GNB5: variants seen among roughly 807,000 people sequenced by gnomAD.
GNB5 encodes guanine nucleotide-binding protein subunit beta-5.
In GNB5, 37 loss-of-function variants were observed where a neutral mutation model predicts 55.3. That is an observed-to-expected ratio of 0.67 (90% CI 0.51 to 0.88). The LOEUF is 0.88. Among genes scored for constraint, GNB5 ranks in the 40% least tolerant of loss-of-function variants. The probability of loss-of-function intolerance (pLI) is 0.00; values close to 1 mark genes in which losing one functional copy is unlikely to be tolerated. For missense variants in GNB5, 476 were observed against 515.3 expected (o/e 0.92, Z 0.74); for synonymous variants, 219 against 198.5 (o/e 1.10, Z -0.87).
chr15:52,161,444 C>T (rs751408104), intron 3 of GNB5, among the ~76,000 whole-genome samples: 1 of 152,176 alleles, frequency 6.6e-6, no homozygotes, highest in Non-Finnish European at 1.5e-5. Flanking sequence ...ATTACAGGCA[C>T]GCGCTACCAC....
At chr15:52,130,003 G>C (rs538093029) in intron 9 of GNB5, among the ~76,000 whole-genome samples, 12 of 152,230 alleles carry the variant, frequency 7.9e-5, no homozygotes, top group African/African-American at 2.9e-4. Flanking sequence ...TCATGTTCTG[G>C]CTAATGGGAT....
chr15:52,171,441 T>A (rs2034553288), intron 3 of GNB5, among the ~76,000 whole-genome samples: 1 of 152,244 alleles, frequency 6.6e-6, no homozygotes, highest in African/African-American at 2.4e-5. Context: ...TGTTTTCTTC[T>A]ATATTTCTAG....
At chr15:52,168,851 C>A (rs1454050367) in intron 3 of GNB5, among the ~76,000 whole-genome samples, 1 of 152,104 alleles carries the variant, frequency 6.6e-6, no homozygotes, top group African/African-American at 2.4e-5. Context: ...ATGAACCTGA[C>A]AAAAACAAGC....
chr15:52,117,102 A>ATATATTTTT lies in GNB5; in HGVS notation c.*5654_*5655insAAAAATATA. The ATATATTTTT allele has an allele frequency of 9.2e-5, 8 of 87,092 alleles. No individual in the cohort carries two copies. The highest frequency in any genetic ancestry group is 4.3e-4 in the African/African-American group (7 of 16,438). 5.4% of individuals were successfully genotyped at this position (87,092 alleles called of 1,614,324 possible). A position where few individuals can be genotyped will look rare whatever the true frequency, so the allele number is the denominator to read the frequency against. ...CCACGCCCAGCTAATATATATATAT[A>ATATATTTTT]TTTTTTTTTAGTACAGACAGGGTTT... On this transcript the variant is annotated 3_prime_UTR_variant, in exon 13 of 13. Transcript: ENST00000261837.
intron 7 of GNB5, chr15:52,138,662 C>G (rs1238117625): frequency 6.6e-6 from 1 of 152,156 alleles, no homozygotes; most frequent in East Asian, 1.9e-4. Context: ...GGCCCACACC[C>G]ACTAGTGGCT....
chr15:52,189,165 G>A (rs1471021525), intron 1 of GNB5, among the ~76,000 whole-genome samples: 1 of 152,228 alleles, frequency 6.6e-6, no homozygotes, highest in Non-Finnish European at 1.5e-5. Context: ...TTGCTGGTGG[G>A]AAGGTAAAGT....
intron 9 of GNB5, among the ~76,000 whole-genome samples, chr15:52,132,950 T>C (rs1276250486): frequency 6.6e-6 from 1 of 152,094 alleles, no homozygotes; most frequent in African/African-American, 2.4e-5. Flanking sequence ...CTCTAAGAAA[T>C]GACCCATCCC....
intron 3 of GNB5, among the ~76,000 whole-genome samples, chr15:52,177,310 G>C (rs1038761221): frequency 6.6e-6 from 1 of 151,764 alleles, no homozygotes; most frequent in Non-Finnish European, 1.5e-5. Flanking sequence ...TGGGATTACA[G>C]GCGTGAGCCA....
rs1027188552 is a variant in GNB5, at chr15:52,137,343, G to C, written c.628-1587C>G. 3 of 1,054,284 alleles carry C rather than the reference G, an allele frequency of 2.8e-6. No individual in the cohort carries two copies. The African/African-American group carries it at 5.1e-5, about 18-fold the overall frequency. 65.3% of individuals were successfully genotyped at this position (1,054,284 alleles called of 1,614,324 possible). On this transcript the variant is annotated intron_variant, in intron 7 of 12. Transcript: ENST00000261837. ...AACCCAGTGTGGTGATATCTGAGTTGGTCTTCAAGGAAGAGTGAGAGCTGG... is the reference window on the plus strand; with the variant it reads ...AACCCAGTGTGGTGATATCTGAGTTCGTCTTCAAGGAAGAGTGAGAGCTGG...
At position 52,122,620 on chromosome 15, in the gene GNB5, G is replaced by A. The variant is rs1037613991; in HGVS notation, c.*137C>T. The A allele has an allele frequency of 3.5e-5, 25 of 724,514 alleles. No individual in the cohort carries two copies. The highest frequency in any genetic ancestry group is 3.4e-4 in the East Asian group (14 of 40,792). The allele number at this position is 724,514 out of a possible 1,614,324, so 44.9% of individuals were successfully genotyped here. Reference sequence around the variant, plus strand: ...CAGTTTTAATAGTCATATTGGAGACGCTTAGTGACCTGTGAGCCATGGGTT... The same window carrying A: ...CAGTTTTAATAGTCATATTGGAGACACTTAGTGACCTGTGAGCCATGGGTT... On this transcript the variant is annotated 3_prime_UTR_variant, in exon 13 of 13. Coordinates refer to ENST00000261837, the MANE Select transcript of GNB5 (RefSeq NM_016194.4).
At chr15:52,179,949 C>T (rs1428411401) in intron 2 of GNB5, 70 bp from the exon 3 acceptor site, 9 of 1,427,016 alleles carry the variant, frequency 6.3e-6, no homozygotes, top group African/African-American at 3.0e-5. Context: ...GGGCGCCGCT[C>T]CAGCAGCCGT....
intron 3 of GNB5, among the ~76,000 whole-genome samples, chr15:52,165,413 G>C (rs1221112494): frequency 3.9e-5 from 6 of 152,046 alleles, no homozygotes; most frequent in Admixed American, 1.3e-4. Context: ...ATAATCATCA[G>C]ATTCTCCAAG....
chr15:52,167,125 AG>A (rs1219018074), intron 3 of GNB5, among the ~76,000 whole-genome samples: 1 of 152,224 alleles, frequency 6.6e-6, no homozygotes, highest in Non-Finnish European at 1.5e-5. Flanking sequence ...AGACTGAACC[AG>A]GAAGAAATGG....
intron 6 of GNB5, chr15:52,143,856 G>C (rs576408598): frequency 3.9e-5 from 6 of 152,378 alleles, no homozygotes; most frequent in South Asian, 4.1e-4. Flanking sequence ...GGGAAGGGGA[G>C]ATGGTACTTT....
At chr15:52,155,787 G>A (rs1436571928) in intron 3 of GNB5, among the ~76,000 whole-genome samples, 3 of 152,182 alleles carry the variant, frequency 2.0e-5, no homozygotes, top group Non-Finnish European at 4.4e-5. Flanking sequence ...TCCCACCTGG[G>A]CACATGAGTC....
intron 2 of GNB5, among the ~76,000 whole-genome samples, chr15:52,184,052 C>T (rs559213127): frequency 1.3e-5 from 2 of 152,252 alleles, no homozygotes; most frequent in African/African-American, 2.4e-5. Context: ...CCACTGGGAC[C>T]GGTCCTTGGA....
intron 3 of GNB5, among the ~76,000 whole-genome samples, chr15:52,174,650 T>C (rs1031221262): frequency 6.8e-6 from 1 of 147,632 alleles, no homozygotes; most frequent in African/African-American, 2.6e-5. Flanking sequence ...TCAAAGTTTA[T>C]GCTATACAAT....
Position 52,117,103 on chromosome 15 carries a change from T to TATATA in GNB5, c.*5653_*5654insTATAT, listed in dbSNP as rs1555403840. 2 of 96,074 alleles carry TATATA rather than the reference T, an allele frequency of 2.1e-5. No individual in the cohort carries two copies. The highest frequency in any genetic ancestry group is 2.0e-4 in the African/African-American group (2 of 9,942). 6.0% of individuals were successfully genotyped at this position (96,074 alleles called of 1,614,324 possible). Reference sequence around the variant, plus strand: ...CACGCCCAGCTAATATATATATATATTTTTTTTTAGTACAGACAGGGTTTC... The same window carrying TATATA: ...CACGCCCAGCTAATATATATATATATATATATTTTTTTTAGTACAGACAGGGTTTC... On this transcript the variant is annotated 3_prime_UTR_variant, in exon 13 of 13. Coordinates refer to ENST00000261837, the MANE Select transcript of GNB5 (RefSeq NM_016194.4).
Position 52,134,194 on chromosome 15 carries a change from C to A in GNB5, c.772-725G>T, listed in dbSNP as rs1596061373. On this transcript the variant is annotated intron_variant, in intron 8 of 12. Coordinates refer to ENST00000261837, the MANE Select transcript of GNB5 (RefSeq NM_016194.4). ...GGGTTTTTCCATTATCCTATCAAGG[C>A]TCTGGGAGTAGTTTGATAAGTTCCT... 4.6e-5 allele frequency among the ~76,000 whole-genome samples: 7 copies of A among 152,334 alleles called. 2 individuals carry two copies. The highest frequency in any genetic ancestry group is 4.6e-4 in the Admixed American group (7 of 15,306).
Sources: allele counts gnomAD v4.1 joint callset (sites outside exome capture counted in the v4.1 genomes callset), GRCh38; gene constraint gnomAD v4.1.1; transcripts MANE v1.5; gene names NCBI Gene and HGNC (gene_info 2026-07-23, HGNC 2026-07-21).